KIAA1549L: variants seen among roughly 807,000 people sequenced by gnomAD.
KIAA1549L encodes the protein UPF0606 protein KIAA1549L.
Under a neutral mutation model 160.7 loss-of-function variants are expected in KIAA1549L, and 88 were observed. The ratio of observed to expected loss-of-function variants is 0.55; its 90% CI spans 0.46 to 0.65. The LOEUF is 0.65. KIAA1549L is among the 30% of genes least tolerant of loss of function. The pLI is 0.00. For missense variants in KIAA1549L, 2,258 were observed against 2,437.5 expected, an observed-to-expected ratio of 0.93 and a Z score of 1.55; for synonymous variants, 950 against 976.7, an observed-to-expected ratio of 0.97 and a Z score of 0.51.
intron 16 of KIAA1549L, among the ~76,000 whole-genome samples, chr11:33,639,438 A>C (rs900238272): frequency 6.6e-6 from 1 of 152,028 alleles, no homozygotes; most frequent in Non-Finnish European, 1.5e-5. Flanking sequence ...ATATACCATA[A>C]CTCTCCAAAA....
chr11:33,638,239 T>C (rs1851489142), intron 16 of KIAA1549L, among the ~76,000 whole-genome samples: 1 of 151,974 alleles, frequency 6.6e-6, no homozygotes, highest in African/African-American at 2.4e-5. Flanking sequence ...CCCAGAAAAC[T>C]CCCTCACTTT....
At chr11:33,634,972 T>C (rs567201753) in intron 16 of KIAA1549L, among the ~76,000 whole-genome samples, 1 of 152,150 alleles carries the variant, frequency 6.6e-6, no homozygotes, top group Non-Finnish European at 1.5e-5. Context: ...TTTGCACGCC[T>C]TTGCAGAAAA....
At chr11:33,449,908 C>G (rs1013552863) in intron 1 of KIAA1549L, among the ~76,000 whole-genome samples, 1 of 152,220 alleles carries the variant, frequency 6.6e-6, no homozygotes, top group Non-Finnish European at 1.5e-5. Flanking sequence ...GACTCAGATT[C>G]CCACAGAAAG....
At position 33,672,662 on chromosome 11, in the gene KIAA1549L, G is replaced by A. The variant is rs1242248830; in HGVS notation, c.*4508G>A. The A allele has an allele frequency of 6.5e-6, 1 of 153,856 alleles. No individual in the cohort carries two copies. Among genetic ancestry groups the A allele is most frequent in the Non-Finnish European group, 1.5e-5 (1 of 68,162 alleles). 9.5% of individuals were successfully genotyped at this position (153,856 alleles called of 1,614,324 possible). On this transcript the variant is annotated 3_prime_UTR_variant, in exon 21 of 21. Coordinates refer to ENST00000658780, the MANE Select transcript of KIAA1549L (RefSeq NM_012194.3). ...GGATACTACCACACAGAGAAAAGGGGCATCTTCACTTGCACATCAGGTGAG... is the reference window on the plus strand; with the variant it reads ...GGATACTACCACACAGAGAAAAGGGACATCTTCACTTGCACATCAGGTGAG...
At chr11:33,561,761 C>T (rs1854865540) in intron 8 of KIAA1549L, 26 bp downstream of exon 8, 14 of 1,466,576 alleles carry the variant, frequency 9.5e-6, no homozygotes, top group Non-Finnish European at 1.3e-5. Flanking sequence ...GTAATTTCCC[C>T]TCTTCATGCT....
intron 16 of KIAA1549L, among the ~76,000 whole-genome samples, chr11:33,631,376 C>T (rs1851283418): frequency 6.6e-6 from 1 of 152,204 alleles, no homozygotes; most frequent in Non-Finnish European, 1.5e-5. Context: ...ATGCATGCAT[C>T]ACTCCGCCTG....
chr11:33,407,110 A>C (rs1448537030), intron 1 of KIAA1549L, among the ~76,000 whole-genome samples: 2 of 99,216 alleles, frequency 2.0e-5, no homozygotes, highest in Non-Finnish European at 3.6e-5. Flanking sequence ...TTTGAGACGG[A>C]GTCTCGCTCT....
chr11:33,577,231 T>C (rs572381656), intron 10 of KIAA1549L, among the ~76,000 whole-genome samples: 172 of 151,910 alleles, frequency 1.1e-3, no homozygotes, highest in African/African-American at 4.0e-3. Context: ...TTAGCAGGAG[T>C]GGTTTTGCAA....
At chr11:33,503,491 T>C (rs780891140) in intron 1 of KIAA1549L, among the ~76,000 whole-genome samples, 2 of 152,224 alleles carry the variant, frequency 1.3e-5, no homozygotes, top group Non-Finnish European at 2.9e-5. Flanking sequence ...GGCTGGGTCA[T>C]AGGATCTGCA....
intron 16 of KIAA1549L, among the ~76,000 whole-genome samples, chr11:33,645,019 G>A (rs1190987108): frequency 6.6e-6 from 1 of 152,252 alleles, no homozygotes; most frequent in East Asian, 1.9e-4. Flanking sequence ...TACTGAAGCT[G>A]CTCGCTGGAA....
chr11:33,617,754 A>G (rs1850851483), intron 15 of KIAA1549L, among the ~76,000 whole-genome samples: 1 of 151,984 alleles, frequency 6.6e-6, no homozygotes, highest in Admixed American at 6.5e-5. Context: ...GGTGCCTGGC[A>G]CATAGTAGGC....
At chr11:33,539,525 C>G (rs1325521244) in intron 1 of KIAA1549L, among the ~76,000 whole-genome samples, 1 of 152,202 alleles carries the variant, frequency 6.6e-6, no homozygotes. Context: ...TCAGCAGAGT[C>G]CATAGGGGAT....
At chr11:33,409,308 G>A (rs1850739297) in intron 1 of KIAA1549L, among the ~76,000 whole-genome samples, 1 of 152,246 alleles carries the variant, frequency 6.6e-6, no homozygotes, top group Non-Finnish European at 1.5e-5. Context: ...GATCTTAGAA[G>A]GGTGATGGTT....
At chr11:33,473,917 TG>T (rs1852233263) in intron 1 of KIAA1549L, among the ~76,000 whole-genome samples, 1 of 152,192 alleles carries the variant, frequency 6.6e-6, no homozygotes, top group African/African-American at 2.4e-5. Context: ...GAGGTTTGAT[TG>T]GCTCTTGGTT....
chr11:33,396,872 C>T (rs1173268589), intron 1 of KIAA1549L, among the ~76,000 whole-genome samples: 2 of 151,148 alleles, frequency 1.3e-5, no homozygotes, highest in African/African-American at 4.9e-5. Context: ...ATTGTTTGAA[C>T]CTGGGAGGCA....
In KIAA1549L at chr11:33,670,252, T is replaced by C. The variant is rs150024361; in HGVS notation, c.*2098T>C. ...TTGGTAAATGCCTGGAAATACTGTA[T>C]GTGAAAATGATGTTTCAAGATCTTA... is the stretch of plus-strand genomic sequence containing the variant. On this transcript the variant is annotated 3_prime_UTR_variant, in exon 21 of 21. Coordinates refer to ENST00000658780, the MANE Select transcript of KIAA1549L (RefSeq NM_012194.3). The C allele has an allele frequency of 2.0e-5, 3 of 152,358 alleles. No individual in the cohort carries two copies. In the East Asian group the frequency reaches 5.8e-4, roughly 29 times the overall value. The allele number at this position is 152,358 out of a possible 1,614,324, so 9.4% of individuals were successfully genotyped here. A position where few individuals can be genotyped will look rare whatever the true frequency, so the allele number is the denominator to read the frequency against.
intron 1 of KIAA1549L, among the ~76,000 whole-genome samples, chr11:33,378,996 A>C (rs572182455): frequency 6.6e-6 from 1 of 152,160 alleles, no homozygotes; most frequent in Non-Finnish European, 1.5e-5. Flanking sequence ...ACTTTCTGCA[A>C]ACAACCTAGT....
chr11:33,618,208 G>C (rs998324937), intron 15 of KIAA1549L, among the ~76,000 whole-genome samples: 8 of 152,230 alleles, frequency 5.3e-5, no homozygotes, highest in African/African-American at 1.7e-4. Flanking sequence ...AGCGTTAGCT[G>C]TCCTAGAGGG....
rs544255927 is a variant in KIAA1549L at position 33,569,257 on chromosome 11, G to T, written c.4230+1030G>T. On this transcript the variant is annotated intron_variant, in intron 9 of 20. Coordinates refer to ENST00000658780, the MANE Select transcript of KIAA1549L (RefSeq NM_012194.3). ...AGCCTCTCTGGTGTATTCTAGCCAG[G>T]TCTGCTTATCTTGAATTGCACTGTC... 9.8e-5 allele frequency among the ~76,000 whole-genome samples: 15 copies of T among 152,294 alleles called. No individual in the cohort carries two copies. The South Asian group carries it at 3.1e-3, about 32-fold the overall frequency.
Sources: gnomAD v4.1 joint callset for allele counts (sites outside exome capture counted in the v4.1 genomes callset) on GRCh38, gnomAD v4.1.1 for gene constraint, MANE v1.5 for transcripts, NCBI Gene and HGNC (gene_info 2026-07-23, HGNC 2026-07-21) for gene names.